OPCML: variants seen among roughly 807,000 people sequenced by gnomAD.
The protein encoded by OPCML is opioid binding protein/cell adhesion molecule like.
Under a neutral mutation model 37.8 loss-of-function variants are expected in OPCML, and 13 were observed. The observed-to-expected ratio is 0.34, with a 90% CI of 0.22 to 0.55. OPCML has a LOEUF of 0.55. Among genes scored for constraint, OPCML ranks in the 20% least tolerant of loss-of-function variants. OPCML has a pLI of 0.91. For synonymous variants in OPCML, 176 were observed against 168.8 expected (o/e 1.04, Z -0.33); for missense variants, 341 against 435.6 (o/e 0.78, Z 1.93).
intron 1 of OPCML, chr11:133,007,531 G>C (rs1411996678): frequency 2.0e-6 from 2 of 985,216 alleles, no homozygotes; most frequent in East Asian, 2.3e-4. Flanking sequence ...GGAAGGCAGG[G>C]TGGGGAACTG....
intron 1 of OPCML, among the ~76,000 whole-genome samples, chr11:133,227,191 C>T (rs1009611815): frequency 1.3e-5 from 2 of 152,112 alleles, no homozygotes; most frequent in South Asian, 2.1e-4. Context: ...CCGAGGATGG[C>T]GCCTGTGCCC....
intron 1 of OPCML, among the ~76,000 whole-genome samples, chr11:133,031,030 C>G (rs561712802): frequency 3.7e-4 from 57 of 152,218 alleles, no homozygotes; most frequent in Middle Eastern, 3.4e-3. Flanking sequence ...GATATAATTT[C>G]CAGAGAAAAA....
chr11:132,437,181 C>T (rs758798223), intron 5 of OPCML, 41 bp downstream of exon 5: 1 of 1,602,870 alleles, frequency 6.2e-7, no homozygotes, highest in Non-Finnish European at 8.5e-7. Context: ...ACTCCCTGTG[C>T]CGTCTTTTCC....
intron 1 of OPCML, among the ~76,000 whole-genome samples, chr11:133,069,320 T>C (rs1453107932): frequency 6.6e-6 from 1 of 152,214 alleles, no homozygotes; most frequent in Non-Finnish European, 1.5e-5. Flanking sequence ...TATATTTATT[T>C]ATTTAAGTGA....
intron 1 of OPCML, among the ~76,000 whole-genome samples, chr11:133,515,687 G>A (rs1029552758): frequency 5.3e-5 from 8 of 151,990 alleles, no homozygotes; most frequent in Non-Finnish European, 1.0e-4. Context: ...GGCTTGGGGT[G>A]CATCAAGAGG....
chr11:133,085,544 C>T (rs1174759523), intron 1 of OPCML, among the ~76,000 whole-genome samples: 2 of 152,214 alleles, frequency 1.3e-5, no homozygotes, highest in African/African-American at 4.8e-5. Flanking sequence ...TTTGGCAAGA[C>T]AAACCTTACC....
At chr11:132,594,818 G>A (rs1223054476) in intron 3 of OPCML, among the ~76,000 whole-genome samples, 1 of 152,144 alleles carries the variant, frequency 6.6e-6, no homozygotes, top group African/African-American at 2.4e-5. Context: ...CAATCCATCA[G>A]TTTAGTCCAA....
At chr11:132,691,960 T>C (rs1353042250) in intron 2 of OPCML, among the ~76,000 whole-genome samples, 2 of 152,162 alleles carry the variant, frequency 1.3e-5, no homozygotes, top group African/African-American at 4.8e-5. Context: ...CAAAATACCC[T>C]CCTGGTTGCA....
At chr11:132,511,325 A>T (rs76653390) in intron 4 of OPCML, among the ~76,000 whole-genome samples, 2,346 of 152,238 alleles carry the variant, frequency 0.015, 68 homozygotes, top group African/African-American at 0.053. Flanking sequence ...GAAAAACTCA[A>T]TACTATTAAA....
chr11:132,781,888 T>A (rs1224847745), intron 2 of OPCML, among the ~76,000 whole-genome samples: 5 of 148,902 alleles, frequency 3.4e-5, no homozygotes, highest in Non-Finnish European at 5.9e-5. Flanking sequence ...ACGTCTTCTA[T>A]CAGTGATAGA....
chr11:133,302,754 C>T (rs1592182592), intron 1 of OPCML: 2 of 152,124 alleles, frequency 1.3e-5, no homozygotes, highest in African/African-American at 2.4e-5. Flanking sequence ...CCCTATTCCT[C>T]GAGGTAACGT....
chr11:133,282,228 G>A lies in OPCML; in HGVS notation c.61+250036C>T, dbSNP rs540118286. ...TTCCCATCACAGACCCAGAGGCTTA[G>A]GAGAAAATAATGGTTTCAGGAGCCA... On this transcript the variant is annotated intron_variant, in intron 1 of 7. Transcript: ENST00000524381. 4.6e-5 allele frequency among the ~76,000 whole-genome samples: 7 copies of A among 152,228 alleles called. No individual in the cohort carries two copies. The South Asian group carries it at 1.2e-3, about 27-fold the overall frequency.
chr11:132,704,844 G>C (rs189985237), intron 2 of OPCML, among the ~76,000 whole-genome samples: 142 of 152,256 alleles, frequency 9.3e-4, no homozygotes, highest in Non-Finnish European at 1.4e-3. Flanking sequence ...CTTTTTATTG[G>C]CTTTAAGCCT....
chr11:132,953,095 C>G (rs1302351029), intron 1 of OPCML, among the ~76,000 whole-genome samples: 1 of 152,124 alleles, frequency 6.6e-6, no homozygotes, highest in Non-Finnish European at 1.5e-5. Flanking sequence ...CAGCCCCTAG[C>G]CTACTCTTTT....
chr11:132,813,969 C>T (rs1939490213), intron 2 of OPCML, among the ~76,000 whole-genome samples: 1 of 152,194 alleles, frequency 6.6e-6, no homozygotes, highest in African/African-American at 2.4e-5. Context: ...TGTCCATCGC[C>T]TTCACAATCA....
chr11:132,466,433 G>A (rs1039562380), intron 4 of OPCML, among the ~76,000 whole-genome samples: 1 of 150,726 alleles, frequency 6.6e-6, no homozygotes, highest in South Asian at 2.1e-4. Flanking sequence ...GCAGTGAGCC[G>A]AGATCACGCC....
chr11:132,962,625 C>T (rs1211783914), intron 1 of OPCML, among the ~76,000 whole-genome samples: 1 of 152,162 alleles, frequency 6.6e-6, no homozygotes, highest in Non-Finnish European at 1.5e-5. Context: ...AAACACACTC[C>T]CCGAATGGAC....
intron 1 of OPCML, chr11:133,439,289 G>T (rs1014211533): frequency 2.2e-6 from 2 of 901,642 alleles, no homozygotes; most frequent in South Asian, 1.0e-4. Flanking sequence ...GAGAGTAAAA[G>T]ATGTTTTTTT....
rs370052409 is a variant in OPCML at position 132,975,802 on chromosome 11, G to C, written c.62-32792C>G. Reference sequence around the variant, plus strand: ...CTTTTTTGTTTTGAGATGGAGTCTCGCTCTGTCTCCCAGGCTGGAGTGCAG... The same window carrying C: ...CTTTTTTGTTTTGAGATGGAGTCTCCCTCTGTCTCCCAGGCTGGAGTGCAG... On this transcript the variant is annotated intron_variant, in intron 1 of 7. Coordinates refer to ENST00000524381, the MANE Select transcript of OPCML (RefSeq NM_001012393.5). 2.0e-5 allele frequency among the ~76,000 whole-genome samples: 3 copies of C among 151,846 alleles called. No homozygotes were observed. The South Asian group carries it at 6.2e-4, about 32-fold the overall frequency.
Sources: gnomAD v4.1 joint callset for allele counts (sites outside exome capture counted in the v4.1 genomes callset) on GRCh38, gnomAD v4.1.1 for gene constraint, MANE v1.5 for transcripts, NCBI Gene and HGNC (gene_info 2026-07-23, HGNC 2026-07-21) for gene names.